The following XKR6 variants were observed in gnomAD, a reference collection of about 807,000 sequenced individuals.
The protein encoded by XKR6 is XK-related protein 6.
A neutral mutation model predicts 56.7 loss-of-function variants in XKR6; 22 were observed. The ratio of observed to expected loss-of-function variants is 0.39; its 90% CI spans 0.28 to 0.55. XKR6 has a LOEUF of 0.55. XKR6 is among the 20% of genes least tolerant of loss of function. The pLI is 0.66. For missense variants in XKR6, 852 were observed against 889.0 expected, an observed-to-expected ratio of 0.96 and a Z score of 0.53; for synonymous variants, 524 against 387.8, an observed-to-expected ratio of 1.35 and a Z score of -4.13.
intron 1 of XKR6, among the ~76,000 whole-genome samples, chr8:11,155,736 C>G (rs1801487702): frequency 6.6e-6 from 1 of 152,178 alleles, no homozygotes. Context: ...CTTACTCAAA[C>G]CTCCCACCCG....
intron 1 of XKR6, among the ~76,000 whole-genome samples, chr8:11,102,833 G>A (rs909370355): frequency 3.9e-5 from 6 of 152,136 alleles, no homozygotes; most frequent in African/African-American, 1.4e-4. Flanking sequence ...TGCATTTGGA[G>A]GATTTTCACC....
chr8:11,094,647 C>G (rs1029286081), intron 1 of XKR6, among the ~76,000 whole-genome samples: 1 of 152,126 alleles, frequency 6.6e-6, no homozygotes, highest in African/African-American at 2.4e-5. Flanking sequence ...CTGGTGGGAC[C>G]GACATCGATG....
chr8:11,107,482 G>A (rs1037927100), intron 1 of XKR6, among the ~76,000 whole-genome samples: 1 of 152,122 alleles, frequency 6.6e-6, no homozygotes, highest in Non-Finnish European at 1.5e-5. Flanking sequence ...ACCACACCCA[G>A]CCCTGATCAA....
At chr8:11,073,365 G>A (rs998935901) in intron 1 of XKR6, among the ~76,000 whole-genome samples, 3 of 152,108 alleles carry the variant, frequency 2.0e-5, no homozygotes, top group African/African-American at 7.2e-5. Context: ...GTTTATTTCA[G>A]AGATGCATCC....
chr8:11,115,388 C>A (rs972022810), intron 1 of XKR6, among the ~76,000 whole-genome samples: 13 of 152,166 alleles, frequency 8.5e-5, no homozygotes, highest in Non-Finnish European at 1.9e-4. Flanking sequence ...ATTCATTCAA[C>A]TGAAGCCATA....
chr8:11,121,985 T>A (rs1190514780), intron 1 of XKR6, among the ~76,000 whole-genome samples: 1 of 152,118 alleles, frequency 6.6e-6, no homozygotes, highest in Non-Finnish European at 1.5e-5. Context: ...AATTGAACAA[T>A]AAGAACACTT....
chr8:11,148,231 C>CA (rs955337495), intron 1 of XKR6, among the ~76,000 whole-genome samples: 9 of 150,954 alleles, frequency 6.0e-5, no homozygotes, highest in East Asian at 1.9e-4. Flanking sequence ...GACAAACAAA[C>CA]AAAAAAAAAC....
chr8:11,150,337 G>A (rs1801213767), intron 1 of XKR6, among the ~76,000 whole-genome samples: 1 of 152,046 alleles, frequency 6.6e-6, no homozygotes, highest in Non-Finnish European at 1.5e-5. Context: ...AACACCACAT[G>A]TACCCCATGA....
At chr8:11,024,204 GGTGTGTGTGT>G (rs61021720) in intron 1 of XKR6, among the ~76,000 whole-genome samples, 1,553 of 136,880 alleles carry the variant, frequency 0.011, 18 homozygotes, top group African/African-American at 0.028. Context: ...CCTGTTAGGA[GGTGTGTGTGT>G]GTGTGTGTGT....
rs1799924124 is a variant in XKR6 at position 10,897,745 on chromosome 8, T to A, written c.*207A>T. 1 of 535,552 alleles carries A rather than the reference T, an allele frequency of 1.9e-6. No individual in the cohort carries two copies. The highest frequency in any genetic ancestry group is 3.1e-6 in the Non-Finnish European group (1 of 324,614). 33.2% of individuals were successfully genotyped at this position (535,552 alleles called of 1,614,324 possible). A position where few individuals can be genotyped will look rare whatever the true frequency, so the allele number is the denominator to read the frequency against. ...ACAAAACATAGAGAATATCTTTGTA[T>A]ACATACAGCGACTGGAAAGAAAGCT... On this transcript the variant is annotated 3_prime_UTR_variant, in exon 3 of 3. Coordinates refer to ENST00000416569, the MANE Select transcript of XKR6 (RefSeq NM_173683.4).
chr8:11,051,968 G>A (rs1458630497), intron 1 of XKR6, among the ~76,000 whole-genome samples: 5 of 152,160 alleles, frequency 3.3e-5, no homozygotes, highest in African/African-American at 9.7e-5. Context: ...ACAGGTATGC[G>A]TGTGCCATGG....
At chr8:11,100,650 A>C (rs1234958198) in intron 1 of XKR6, among the ~76,000 whole-genome samples, 1 of 152,226 alleles carries the variant, frequency 6.6e-6, no homozygotes, top group African/African-American at 2.4e-5. Flanking sequence ...GCAACTTCCT[A>C]CACTGAGAAA....
intron 1 of XKR6, among the ~76,000 whole-genome samples, chr8:11,164,545 T>C (rs1394825845): frequency 6.6e-6 from 1 of 152,254 alleles, no homozygotes; most frequent in East Asian, 1.9e-4. Flanking sequence ...TTTAAGTCCC[T>C]ATCTTAAAAG....
In XKR6 at chr8:10,897,815, G is replaced by T; in HGVS notation, c.*137C>A. 9.4e-7 allele frequency: 1 copy of T among 1,061,256 alleles called. No homozygotes were observed. Among genetic ancestry groups the T allele is most frequent in the Non-Finnish European group, 1.3e-6 (1 of 763,778 alleles). The allele number at this position is 1,061,256 out of a possible 1,614,324, so 65.7% of individuals were successfully genotyped here. A position where few individuals can be genotyped will look rare whatever the true frequency, so the allele number is the denominator to read the frequency against. On this transcript the variant is annotated 3_prime_UTR_variant, in exon 3 of 3. Coordinates refer to ENST00000416569, the MANE Select transcript of XKR6 (RefSeq NM_173683.4). ...TTATTAATTCTTTTTTTTTTGTAGT[G>T]GTGGTGTTGGTGTGGCGGTGTTGGT...
At chr8:11,073,501 C>T (rs1292516031) in intron 1 of XKR6, among the ~76,000 whole-genome samples, 1 of 152,202 alleles carries the variant, frequency 6.6e-6, no homozygotes, top group Non-Finnish European at 1.5e-5. Flanking sequence ...AACCTGGACA[C>T]TCTGGTAATA....
chr8:11,029,426 G>T (rs566914271), intron 1 of XKR6, among the ~76,000 whole-genome samples: 1 of 152,240 alleles, frequency 6.6e-6, no homozygotes, highest in East Asian at 1.9e-4. Flanking sequence ...GGGTGATTAG[G>T]TTTAGATGAG....
In XKR6 at chr8:10,912,447, GTATATA is replaced by G. The variant is rs371843959; in HGVS notation, c.961+12181_961+12186del. Among the ~76,000 whole-genome samples, 158 of 117,270 alleles carry G rather than the reference GTATATA, an allele frequency of 1.3e-3. 2 individuals carry two copies. Among genetic ancestry groups the G allele is most frequent in the African/African-American group, 4.2e-3 (124 of 29,374 alleles). The allele number at this position is 117,270 out of a possible 152,430, so 76.9% of individuals were successfully genotyped here. On this transcript the variant is annotated intron_variant, in intron 2 of 2. Coordinates refer to ENST00000416569, the MANE Select transcript of XKR6 (RefSeq NM_173683.4). The stretch of plus-strand genomic sequence containing the variant: ...TATATATGAGAGACGATAGGTGAGT[GTATATA>G]TATATATATATATAGAGAGAGAGAG...
intron 1 of XKR6, among the ~76,000 whole-genome samples, chr8:11,158,839 C>G (rs1801653613): frequency 6.6e-6 from 1 of 152,050 alleles, no homozygotes; most frequent in African/African-American, 2.4e-5. Context: ...CAGAGATAAG[C>G]CTAGGAGAAA....
chr8:11,093,534 T>C (rs1439351226), intron 1 of XKR6, among the ~76,000 whole-genome samples: 1 of 152,218 alleles, frequency 6.6e-6, no homozygotes, highest in Admixed American at 6.5e-5. Flanking sequence ...GCCACATCCT[T>C]AGTCTCTTAG....
Sources: gnomAD v4.1 joint callset for allele counts (sites outside exome capture counted in the v4.1 genomes callset) on GRCh38, gnomAD v4.1.1 for gene constraint, MANE v1.5 for transcripts, NCBI Gene and HGNC (gene_info 2026-07-23, HGNC 2026-07-21) for gene names.